Variants in GRIN2A observed in about 807,000 individuals in gnomAD.
GRIN2A encodes the protein glutamate receptor ionotropic, NMDA 2A.
A neutral mutation model predicts 113.4 loss-of-function variants in GRIN2A; 22 were observed. The observed-to-expected ratio is 0.19, with a 90% CI of 0.14 to 0.28. The LOEUF is 0.28. Among genes scored for constraint, GRIN2A ranks in the 10% least tolerant of loss-of-function variants. The probability of loss-of-function intolerance (pLI) is 1.00; values close to 1 mark genes in which losing one functional copy is unlikely to be tolerated. For synonymous variants in GRIN2A, 827 were observed against 738.4 expected, an observed-to-expected ratio of 1.12 and a Z score of -1.94; for missense variants, 1,502 against 1,887.0, an observed-to-expected ratio of 0.80 and a Z score of 3.78.
intron 2 of GRIN2A, among the ~76,000 whole-genome samples, chr16:10,086,555 A>G (rs540692712): frequency 6.6e-6 from 1 of 150,794 alleles, no homozygotes; most frequent in Admixed American, 6.6e-5. Context: ...CTGTAAAATT[A>G]CAGAGGAGCC....
At chr16:10,093,530 A>G (rs2048226097) in intron 2 of GRIN2A, among the ~76,000 whole-genome samples, 1 of 152,140 alleles carries the variant, frequency 6.6e-6, no homozygotes, top group African/African-American at 2.4e-5. Context: ...ACAGTATTAT[A>G]GTCAGGTGGC....
chr16:9,972,216 A>G (rs1480253140), intron 2 of GRIN2A, among the ~76,000 whole-genome samples: 1 of 152,198 alleles, frequency 6.6e-6, no homozygotes, highest in East Asian at 1.9e-4. Flanking sequence ...TCCACCTGAG[A>G]GACAGATATG....
At chr16:9,846,310 A>C (rs1305920115) in intron 5 of GRIN2A, among the ~76,000 whole-genome samples, 1 of 152,186 alleles carries the variant, frequency 6.6e-6, no homozygotes, top group African/African-American at 2.4e-5. Flanking sequence ...GGGCCTTTTT[A>C]GGAGGGGCAT....
intron 2 of GRIN2A, among the ~76,000 whole-genome samples, chr16:10,109,117 A>C (rs7199298): frequency 0.66 from 100,486 of 151,444 alleles, 34,443 homozygotes; most frequent in Admixed American, 0.75. Flanking sequence ...TACAGACTTT[A>C]AGATATTAAA....
chr16:10,042,917 G>A lies in GRIN2A; in HGVS notation c.415-104366C>T, dbSNP rs530410527. ...ACTAAGGATGGTAGAACAGACGGAA[G>A]GGAAGAAGGTGGATTCTTGTTGATA... On this transcript the variant is annotated intron_variant, in intron 2 of 12. Transcript: ENST00000330684. 3.9e-5 allele frequency among the ~76,000 whole-genome samples: 6 copies of A among 152,326 alleles called. No individual in the cohort carries two copies. In the East Asian group the frequency reaches 1.2e-3, roughly 29 times the overall value.
intron 2 of GRIN2A, among the ~76,000 whole-genome samples, chr16:10,106,500 A>G (rs577094230): frequency 6.6e-6 from 1 of 152,214 alleles, no homozygotes; most frequent in South Asian, 2.1e-4. Flanking sequence ...CCACACCATC[A>G]CACGTGAGGT....
chr16:10,154,119 T>G lies in GRIN2A; in HGVS notation c.414+25879A>C, dbSNP rs541414451. ...CCTTGAATCAGTTGTGGCAATCAAA[T>G]GTGAGCTGAAGCCCTTAAGAGCCAG... On this transcript the variant is annotated intron_variant, in intron 2 of 12. Transcript: ENST00000330684. Among the ~76,000 whole-genome samples, 3 of 152,272 alleles carry G rather than the reference T, an allele frequency of 2.0e-5. No homozygotes were observed. The East Asian group carries it at 5.8e-4, about 29-fold the overall frequency.
chr16:10,149,757 C>T (rs533015486), intron 2 of GRIN2A, among the ~76,000 whole-genome samples: 31 of 152,348 alleles, frequency 2.0e-4, no homozygotes, highest in Non-Finnish European at 3.5e-4. Context: ...CACTCCAGAA[C>T]TCCTACTATC....
chr16:9,987,287 T>G (rs1423293767), intron 2 of GRIN2A, among the ~76,000 whole-genome samples: 1 of 152,250 alleles, frequency 6.6e-6, no homozygotes, highest in Admixed American at 6.5e-5. Context: ...AAAGACTTTT[T>G]ATATTTCTTC....
At chr16:9,889,750 G>A (rs1215625818) in intron 4 of GRIN2A, among the ~76,000 whole-genome samples, 2 of 152,054 alleles carry the variant, frequency 1.3e-5, no homozygotes, top group South Asian at 2.1e-4. Context: ...CCAAATATTT[G>A]GAGATTTTCT....
intron 11 of GRIN2A, among the ~76,000 whole-genome samples, chr16:9,773,921 C>T (rs543375227): frequency 3.9e-4 from 60 of 152,056 alleles, no homozygotes; most frequent in Non-Finnish European, 7.6e-4. Flanking sequence ...AGGAGTCAAC[C>T]GTCAGAGAGA....
chr16:9,806,107 G>A (rs774493678), intron 10 of GRIN2A, among the ~76,000 whole-genome samples: 28 of 152,180 alleles, frequency 1.8e-4, no homozygotes, highest in Non-Finnish European at 3.7e-4. Context: ...TCGATGTCTT[G>A]CATAGCGTAG....
intron 2 of GRIN2A, among the ~76,000 whole-genome samples, chr16:10,092,445 G>A (rs920835227): frequency 6.6e-6 from 1 of 152,200 alleles, no homozygotes; most frequent in African/African-American, 2.4e-5. Flanking sequence ...TGAGGGTGCA[G>A]TGGAAAGAGA....
At chr16:10,058,573 T>C (rs2142002028) in intron 2 of GRIN2A, among the ~76,000 whole-genome samples, 1 of 152,374 alleles carries the variant, frequency 6.6e-6, no homozygotes, top group East Asian at 1.9e-4. Context: ...GCTATTACTG[T>C]GATTTCTTGC....
chr16:9,903,677 C>T (rs2043976854), intron 3 of GRIN2A, among the ~76,000 whole-genome samples: 1 of 152,202 alleles, frequency 6.6e-6, no homozygotes, highest in South Asian at 2.1e-4. Context: ...TATTACTTGA[C>T]TCCTTCAGGT....
intron 2 of GRIN2A, among the ~76,000 whole-genome samples, chr16:10,024,774 C>T (rs1567241245): frequency 6.6e-6 from 1 of 152,168 alleles, no homozygotes; most frequent in South Asian, 2.1e-4. Flanking sequence ...AAGAGGTAGG[C>T]ACAATAGCTT....
At chr16:10,151,745 C>T (rs2049579870) in intron 2 of GRIN2A, among the ~76,000 whole-genome samples, 1 of 152,156 alleles carries the variant, frequency 6.6e-6, no homozygotes, top group Admixed American at 6.6e-5. Context: ...AATTTCAAAT[C>T]CATTAACTTA....
chr16:9,849,973 A>T lies in GRIN2A; in HGVS notation c.1123-12T>A, dbSNP rs2042854503. 1 of 1,607,454 alleles carries T rather than the reference A, an allele frequency of 6.2e-7. No homozygotes were observed. The highest frequency in any genetic ancestry group is 1.3e-5 in the African/African-American group (1 of 74,748). On this transcript the variant is annotated splice_polypyrimidine_tract_variant and intron_variant, in intron 4 of 12. Coordinates refer to ENST00000330684, the MANE Select transcript of GRIN2A (RefSeq NM_001134407.3). ...TCCCACTTGCCCACCTGCAGCACAA[A>T]CACAAAGACACAGCTGTGCTTTCTT...
chr16:9,817,763 A>G (rs2042211645), intron 10 of GRIN2A, among the ~76,000 whole-genome samples: 1 of 152,188 alleles, frequency 6.6e-6, no homozygotes, highest in African/African-American at 2.4e-5. Context: ...ATTACAACCC[A>G]CAATTTCACT....
Sources: allele counts gnomAD v4.1 joint callset (sites outside exome capture counted in the v4.1 genomes callset), GRCh38; gene constraint gnomAD v4.1.1; transcripts MANE v1.5; gene names NCBI Gene and HGNC (gene_info 2026-07-23, HGNC 2026-07-21).